The following LUZP1 variants were observed in gnomAD, a reference collection of about 807,000 sequenced individuals.
LUZP1 encodes leucine zipper protein 1.
A neutral mutation model predicts 71.3 loss-of-function variants in LUZP1; 25 were observed. The observed-to-expected ratio is 0.35, with a 90% confidence interval of 0.26 to 0.49. LUZP1 has a LOEUF of 0.49. Among genes scored for constraint, LUZP1 ranks in the 20% least tolerant of loss-of-function variants. The probability of loss-of-function intolerance (pLI) is 0.99; values close to 1 mark genes in which losing one functional copy is unlikely to be tolerated. For synonymous variants in LUZP1, 481 were observed against 506.4 expected (o/e 0.95, Z 0.67); for missense variants, 1,142 against 1,300.8 (o/e 0.88, Z 1.88).
chr1:23,166,650 T>C (rs1644512205), intron 2 of LUZP1, among the ~76,000 whole-genome samples: 1 of 73,582 alleles, frequency 1.4e-5, no homozygotes, highest in Non-Finnish European at 2.2e-5. Flanking sequence ...GAGCACTCCG[T>C]CTCAAAAAAA....
intron 2 of LUZP1, among the ~76,000 whole-genome samples, chr1:23,125,413 T>C (rs1644164582): frequency 6.6e-6 from 1 of 152,234 alleles, no homozygotes. Flanking sequence ...GTAAATCATA[T>C]ACTTTCTCAA....
intron 2 of LUZP1, among the ~76,000 whole-genome samples, chr1:23,153,798 G>C (rs1246790087): frequency 6.6e-6 from 1 of 152,110 alleles, no homozygotes; most frequent in Non-Finnish European, 1.5e-5. Context: ...ACCCACAAAC[G>C]GTGGTGCACA....
chr1:23,106,916 T>G (rs758612926), intron 3 of LUZP1, among the ~76,000 whole-genome samples: 61 of 152,196 alleles, frequency 4.0e-4, no homozygotes, highest in Admixed American at 4.6e-4. Context: ...AGCTCTTTAG[T>G]GCACCTCACT....
chr1:23,104,968 A>G (rs746876330), intron 3 of LUZP1, among the ~76,000 whole-genome samples: 7 of 152,244 alleles, frequency 4.6e-5, no homozygotes, highest in Non-Finnish European at 1.0e-4. Context: ...CAATGAATTC[A>G]GATTTCAAAA....
chr1:23,107,493 T>C (rs1643992542), intron 3 of LUZP1, among the ~76,000 whole-genome samples: 1 of 152,156 alleles, frequency 6.6e-6, no homozygotes, highest in East Asian at 1.9e-4. Context: ...TATAGCAAAA[T>C]ATTTTATGTG....
intron 1 of LUZP1, among the ~76,000 whole-genome samples, chr1:23,176,996 C>A (rs1443060828): frequency 6.6e-6 from 1 of 152,098 alleles, no homozygotes; most frequent in Non-Finnish European, 1.5e-5. Context: ...ATCCTCCTGT[C>A]TCAGCCTCCA....
At chr1:23,133,272 G>A (rs1396043879) in intron 2 of LUZP1, among the ~76,000 whole-genome samples, 1 of 152,108 alleles carries the variant, frequency 6.6e-6, no homozygotes, top group East Asian at 1.9e-4. Flanking sequence ...AATTATTATT[G>A]CTATTATTAC....
At chr1:23,158,923 C>T (rs1437424081) in intron 2 of LUZP1, among the ~76,000 whole-genome samples, 1 of 125,162 alleles carries the variant, frequency 8.0e-6, no homozygotes, top group Admixed American at 8.9e-5. Context: ...GCTGACAGAG[C>T]AAGACTCCAT....
chr1:23,158,586 G>C (rs1169793044), intron 2 of LUZP1, among the ~76,000 whole-genome samples: 2 of 145,514 alleles, frequency 1.4e-5, no homozygotes, highest in Non-Finnish European at 3.0e-5. Context: ...GATGGAGGTT[G>C]CAGTGAGCCG....
In LUZP1 at chr1:23,124,453, C is replaced by G. The variant is rs758252733; in HGVS notation, c.-225-15326G>C. Among the ~76,000 whole-genome samples, 24 of 152,080 alleles carry G rather than the reference C, an allele frequency of 1.6e-4. 1 individual carries two copies. Among genetic ancestry groups the G allele is most frequent in the Admixed American group, 1.3e-4 (2 of 15,270 alleles). On this transcript the variant is annotated intron_variant, in intron 2 of 4. Transcript: ENST00000302291. Reference sequence around the variant, plus strand: ...GGCAAAAGAAAGTAAACATATGGTACCAAGCAAAGAAACCAACTCTCTGTG... The same window carrying G: ...GGCAAAAGAAAGTAAACATATGGTAGCAAGCAAAGAAACCAACTCTCTGTG...
chr1:23,104,017 G>A (rs1643959077), intron 3 of LUZP1, among the ~76,000 whole-genome samples: 1 of 151,694 alleles, frequency 6.6e-6, no homozygotes, highest in Non-Finnish European at 1.5e-5. Context: ...ACAAGGGGAA[G>A]AGCAATTAAC....
Position 23,158,230 on chromosome 1 carries a change from G to A in LUZP1, c.-226+10536C>T, listed in dbSNP as rs1338382246. ...CTTCCAGAGTGCCCCTGAAGGCACA[G>A]TATTTAATATGGTTATTTATATCCA... On this transcript the variant is annotated intron_variant, in intron 2 of 4. Coordinates refer to ENST00000302291, the Ensembl canonical transcript of LUZP1. 2.0e-5 allele frequency among the ~76,000 whole-genome samples: 3 copies of A among 152,360 alleles called. No homozygotes were observed. The East Asian group carries it at 5.8e-4, about 29-fold the overall frequency.
At chr1:23,139,510 A>G (rs1318969034) in intron 2 of LUZP1, among the ~76,000 whole-genome samples, 1 of 152,150 alleles carries the variant, frequency 6.6e-6, no homozygotes, top group East Asian at 1.9e-4. Context: ...AGCCTACTCA[A>G]TGTGAAGATG....
chr1:23,153,666 T>G (rs954600466), intron 2 of LUZP1, among the ~76,000 whole-genome samples: 1 of 151,918 alleles, frequency 6.6e-6, no homozygotes, highest in Admixed American at 6.5e-5. Flanking sequence ...TACCTGTTTT[T>G]GTTTTGTTTT....
exon 4 of LUZP1, chr1:23,091,518 G>A (rs539683128): frequency 6.2e-7 from 1 of 1,614,172 alleles, no homozygotes; most frequent in South Asian, 1.1e-5. Context: ...AACATGTCTG[G>A]CATCTGAGAA....
At chr1:23,142,489 G>C (rs1243605021) in intron 2 of LUZP1, among the ~76,000 whole-genome samples, 1 of 151,970 alleles carries the variant, frequency 6.6e-6, no homozygotes, top group African/African-American at 2.4e-5. Context: ...TGAGGAAGGA[G>C]CTGCCAGTCC....
At chr1:23,152,174 C>G (rs926882780) in intron 2 of LUZP1, among the ~76,000 whole-genome samples, 1 of 151,958 alleles carries the variant, frequency 6.6e-6, no homozygotes, top group Non-Finnish European at 1.5e-5. Context: ...TTAAAAAAAT[C>G]ATAAAATAAC....
At chr1:23,135,673 CA>C (rs1388873379) in intron 2 of LUZP1, among the ~76,000 whole-genome samples, 1 of 152,034 alleles carries the variant, frequency 6.6e-6, no homozygotes, top group Non-Finnish European at 1.5e-5. Context: ...CATAGGTAGC[CA>C]ATTCAAGAGC....
chr1:23,090,769 TC>T, intron 4 of LUZP1: 1 of 678,090 alleles, frequency 1.5e-6, no homozygotes, highest in South Asian at 1.6e-5. Flanking sequence ...CTGACCTGGC[TC>T]CCCCTCACTG....
Sources: gnomAD v4.1 joint callset for allele counts (sites outside exome capture counted in the v4.1 genomes callset) on GRCh38, gnomAD v4.1.1 for gene constraint, MANE v1.5 for transcripts, NCBI Gene and HGNC (gene_info 2026-07-23, HGNC 2026-07-21) for gene names.